Variants in FGGY observed in about 807,000 individuals in gnomAD.
FGGY encodes the protein FGGY carbohydrate kinase domain containing.
Under a neutral mutation model 71.3 loss-of-function variants are expected in FGGY, and 72 were observed. The observed-to-expected ratio is 1.01, with a 90% CI of 0.84 to 1.23. The LOEUF is 1.23. Ranked by LOEUF, FGGY falls within the 50% of genes most tolerant of loss-of-function variation. The pLI is 0.00. For synonymous variants in FGGY, 251 were observed against 250.3 expected (o/e 1.00, Z -0.02); for missense variants, 668 against 682.3 (o/e 0.98, Z 0.23).
chr1:59,700,063 A>ATTT (rs758313848), intron 14 of FGGY, among the ~76,000 whole-genome samples: 15 of 152,344 alleles, frequency 9.8e-5, no homozygotes, highest in Middle Eastern at 3.4e-3. Flanking sequence ...CAAAGCAATC[A>ATTT]TAAATGTGTC....
At chr1:59,308,488 A>G (rs1169756829) in intron 1 of FGGY, among the ~76,000 whole-genome samples, 1 of 152,238 alleles carries the variant, frequency 6.6e-6, no homozygotes, top group Non-Finnish European at 1.5e-5. Context: ...GCTGGATGTC[A>G]TTGCAGTAAG....
intron 14 of FGGY, chr1:59,733,264 A>G (rs888938241): frequency 5.2e-5 from 8 of 153,620 alleles, no homozygotes; most frequent in African/African-American, 1.2e-4. Context: ...GACCTTTCCA[A>G]AGGGCTCATG....
At chr1:59,451,904 G>T (rs967450427) in intron 5 of FGGY, among the ~76,000 whole-genome samples, 1 of 152,014 alleles carries the variant, frequency 6.6e-6, no homozygotes, top group Non-Finnish European at 1.5e-5. Flanking sequence ...TATTCTTTCT[G>T]TCTGGAAGCT....
intron 5 of FGGY, among the ~76,000 whole-genome samples, chr1:59,448,262 G>A (rs1274339533): frequency 1.3e-5 from 2 of 152,160 alleles, no homozygotes; most frequent in Admixed American, 1.3e-4. Context: ...AAAGGGCACA[G>A]AGTTCAACAC....
At chr1:59,361,698 C>CA (rs1433620112) in intron 4 of FGGY, among the ~76,000 whole-genome samples, 1 of 152,116 alleles carries the variant, frequency 6.6e-6, no homozygotes, top group Admixed American at 6.5e-5. Flanking sequence ...AGAGAAAGGT[C>CA]AGAAGCTATT....
chr1:59,617,582 AGTT>A (rs995015558), intron 9 of FGGY, among the ~76,000 whole-genome samples: 2 of 152,076 alleles, frequency 1.3e-5, no homozygotes, highest in African/African-American at 4.8e-5. Flanking sequence ...TCTTCTGAAT[AGTT>A]GTGCAAAAAA....
At position 59,427,204 on chromosome 1, in the gene FGGY, T is replaced by G. The variant is rs146798946; in HGVS notation, c.555-29757T>G. Among the ~76,000 whole-genome samples, 537 of 152,304 alleles carry G rather than the reference T, an allele frequency of 3.5e-3. 3 individuals are homozygous for G. The highest frequency in any genetic ancestry group is 0.011 in the African/African-American group (473 of 41,576). On this transcript the variant is annotated intron_variant, in intron 5 of 15. Transcript: ENST00000303721. ...AAAGACAGCTGGGAACTCAGGTCCA[T>G]AGCAGGCACCCAGGACGGAGGTGAA...
rs181301881 is a variant in FGGY at position 59,560,003 on chromosome 1, C to T, written c.903+5776C>T. ...CTCCTTAAGTGTGGGCTGCACATAG[C>T]GATTTCCTTCCACAAAATATGGTAT... is the stretch of plus-strand genomic sequence containing the variant. On this transcript the variant is annotated intron_variant, in intron 8 of 15. Transcript: ENST00000303721. 2.0e-4 allele frequency among the ~76,000 whole-genome samples: 31 copies of T among 152,204 alleles called. 1 individual carries two copies. In the East Asian group the frequency reaches 5.4e-3, roughly 27 times the overall value.
intron 2 of FGGY, among the ~76,000 whole-genome samples, chr1:59,321,993 A>G (rs570891961): frequency 1.3e-5 from 2 of 152,318 alleles, no homozygotes; most frequent in African/African-American, 2.4e-5. Context: ...GAGGGGGCTC[A>G]GGGAAGACAG....
At chr1:59,667,248 C>T in intron 12 of FGGY, 35 bp from the exon 13 acceptor site, 3 of 1,613,300 alleles carry the variant, frequency 1.9e-6, no homozygotes, top group Non-Finnish European at 2.5e-6. Context: ...ACTTTTGTGA[C>T]TATACTGATG....
At chr1:59,569,999 A>G (rs1277768651) in intron 8 of FGGY, among the ~76,000 whole-genome samples, 1 of 152,198 alleles carries the variant, frequency 6.6e-6, no homozygotes, top group Non-Finnish European at 1.5e-5. Context: ...ATTGCAGAAG[A>G]GTTCCTGGTT....
chr1:59,346,207 G>T (rs781090881), intron 3 of FGGY, 40 bp from the exon 4 acceptor site: 1 of 1,609,390 alleles, frequency 6.2e-7, no homozygotes, highest in East Asian at 2.2e-5. Flanking sequence ...AGAAGGAAGA[G>T]AATGTGTGTC....
chr1:59,661,047 C>T (rs2097269060), intron 12 of FGGY, among the ~76,000 whole-genome samples: 2 of 152,126 alleles, frequency 1.3e-5, no homozygotes, highest in Non-Finnish European at 2.9e-5. Flanking sequence ...GAGGCTTAGC[C>T]ACTTCTGAAA....
chr1:59,507,577 C>T (rs148813496), intron 6 of FGGY, among the ~76,000 whole-genome samples: 1,846 of 151,602 alleles, frequency 0.012, 37 homozygotes, highest in African/African-American at 0.041. Context: ...AGTGCAGTGG[C>T]GCAATCTCGG....
At position 59,583,176 on chromosome 1, in the gene FGGY, A is replaced by G. The variant is rs983611636; in HGVS notation, c.904-24627A>G. Reference sequence around the variant, plus strand: ...CTTTTATACCATGATGTAACTAACTATAGGAAGTGTCCCTATGCAACATCT... The same window carrying G: ...CTTTTATACCATGATGTAACTAACTGTAGGAAGTGTCCCTATGCAACATCT... On this transcript the variant is annotated intron_variant, in intron 8 of 15. Transcript: ENST00000303721. Among the ~76,000 whole-genome samples the G allele has an allele frequency of 2.8e-5, 4 of 142,982 alleles. 1 individual carries two copies. The highest frequency in any genetic ancestry group is 2.7e-4 in the Admixed American group (4 of 14,554). 93.8% of individuals were successfully genotyped at this position (142,982 alleles called of 152,430 possible).
intron 6 of FGGY, among the ~76,000 whole-genome samples, chr1:59,457,357 TC>T (rs1303305091): frequency 2.0e-5 from 3 of 152,194 alleles, no homozygotes; most frequent in African/African-American, 7.2e-5. Context: ...ACACCTGTAA[TC>T]CCAGCACTTT....
chr1:59,565,882 C>A (rs1170012537), intron 8 of FGGY, among the ~76,000 whole-genome samples: 1 of 152,132 alleles, frequency 6.6e-6, no homozygotes, highest in Middle Eastern at 3.2e-3. Context: ...AAATAAACAA[C>A]ATCACTTGTC....
rs140901342 is a variant in FGGY, at chr1:59,436,453, T to A, written c.555-20508T>A. On this transcript the variant is annotated intron_variant, in intron 5 of 15. Coordinates refer to ENST00000303721, the MANE Select transcript of FGGY (RefSeq NM_018291.5). ...CTATAGTTATTTTTGTAATTTATTGTCTTTTCTGGCTTTTCTGCCCATGGC... is the reference window on the plus strand; with the variant it reads ...CTATAGTTATTTTTGTAATTTATTGACTTTTCTGGCTTTTCTGCCCATGGC... 6.6e-4 allele frequency among the ~76,000 whole-genome samples: 101 copies of A among 152,330 alleles called. 1 individual carries two copies. The highest frequency in any genetic ancestry group is 2.4e-3 in the African/African-American group (99 of 41,572).
intron 6 of FGGY, among the ~76,000 whole-genome samples, chr1:59,510,743 T>A (rs2094499345): frequency 6.6e-6 from 1 of 152,234 alleles, no homozygotes; most frequent in Admixed American, 6.5e-5. Flanking sequence ...ATTGAGGTAT[T>A]TTACATTCAT....
Sources: allele counts gnomAD v4.1 joint callset (sites outside exome capture counted in the v4.1 genomes callset), GRCh38; gene constraint gnomAD v4.1.1; transcripts MANE v1.5; gene names NCBI Gene and HGNC (gene_info 2026-07-23, HGNC 2026-07-21).